Variants in OR4K14 observed in about 807,000 individuals in gnomAD.
OR4K14 encodes the protein olfactory receptor 4K14.
For synonymous variants in OR4K14, 153 were observed against 141.5 expected (o/e 1.08, Z -0.58); for missense variants, 406 against 373.6 (o/e 1.09, Z -0.72).
chr14:20,014,477 G>A lies in OR4K14; in HGVS notation c.717C>T (p.Ser239=), dbSNP rs1169830365. Reference sequence around the variant, plus strand: ...CTACCATGATATGTGCAGAGCAAGTGGAGAGTGCTTTGGATGTGCTACCGG... The same window carrying A: ...CTACCATGATATGTGCAGAGCAAGTAGAGAGTGCTTTGGATGTGCTACCGG... ...RAAGSTSKAL[S]TCSAHIMVVT... Residue 239 remains serine, a synonymous_variant, in exon 2 of 2, where the codon TCC becomes TCT. Coordinates refer to ENST00000641793, the MANE Select transcript of OR4K14 (RefSeq NM_001004712.2). 1 of 1,614,112 alleles carries A rather than the reference G, an allele frequency of 6.2e-7. No individual in the cohort carries two copies. Among genetic ancestry groups the A allele is most frequent in the East Asian group, 2.2e-5 (1 of 44,888 alleles).
At chr14:20,017,570 T>C (rs1372099246) in intron 1 of OR4K14, among the ~76,000 whole-genome samples, 3 of 151,956 alleles carry the variant, frequency 2.0e-5, no homozygotes, top group East Asian at 1.9e-4. Context: ...TCCGAGATGA[T>C]TTAGAATGAC....
chr14:20,016,606 A>G (rs1452936440), intron 1 of OR4K14, among the ~76,000 whole-genome samples: 2 of 152,154 alleles, frequency 1.3e-5, no homozygotes, highest in African/African-American at 4.8e-5. Context: ...ACAGCCTATA[A>G]TTGCAAAACG....
At chr14:20,015,919 A>T (rs1254864888) in intron 1 of OR4K14, among the ~76,000 whole-genome samples, 1 of 151,066 alleles carries the variant, frequency 6.6e-6, no homozygotes, top group Non-Finnish European at 1.5e-5. Context: ...CCTTCTTTCC[A>T]TGGCCTTTGT....
In OR4K14 at chr14:20,014,456, C is replaced by A; in HGVS notation, c.738G>T (p.Met246Ile). ...KALSTCSAHI[M>I]VVTLFFGPCI... ...AAGGGCCAAAGAACAGCGTCACTAC[C>A]ATGATATGTGCAGAGCAAGTGGAGA... Residue 246 changes from methionine to isoleucine, a missense_variant, in exon 2 of 2, where the codon ATG becomes ATT. Coordinates refer to ENST00000641793, the MANE Select transcript of OR4K14 (RefSeq NM_001004712.2). 2 of 1,614,072 alleles carry A rather than the reference C, an allele frequency of 1.2e-6. No individual in the cohort carries two copies. The highest frequency in any genetic ancestry group is 2.7e-5 in the African/African-American group (2 of 75,044).
intron 1 of OR4K14, among the ~76,000 whole-genome samples, chr14:20,016,102 C>T (rs1877092877): frequency 2.5e-5 from 1 of 40,640 alleles, no homozygotes; most frequent in Non-Finnish European, 7.3e-5. Context: ...TAAAGCTTCA[C>T]TTAAAAATAA....
rs79236312 is a variant in OR4K14 at position 20,017,922 on chromosome 14, G to C, written c.-30+1221C>G. Among the ~76,000 whole-genome samples, 392 of 151,848 alleles carry C rather than the reference G, an allele frequency of 2.6e-3. 3 individuals are homozygous for C. Among genetic ancestry groups the C allele is most frequent in the African/African-American group, 9.0e-3 (375 of 41,458 alleles). On this transcript the variant is annotated intron_variant, in intron 1 of 1. Coordinates refer to ENST00000641793, the MANE Select transcript of OR4K14 (RefSeq NM_001004712.2). ...ACAGGATGCATAGGTCCCATAATTA[G>C]TTTTTTTTATGAGCAATAAACTGGA... is the stretch of plus-strand genomic sequence containing the variant.
intron 1 of OR4K14, among the ~76,000 whole-genome samples, chr14:20,016,696 G>A (rs768498356): frequency 6.6e-6 from 1 of 152,004 alleles, no homozygotes; most frequent in Non-Finnish European, 1.5e-5. Context: ...GCACAAATCT[G>A]ACACGATTTA....
chr14:20,014,238 C>T lies in OR4K14; in HGVS notation c.*23G>A, dbSNP rs1186631522. The T allele has an allele frequency of 6.8e-7, 1 of 1,471,012 alleles. No individual in the cohort carries two copies. The highest frequency in any genetic ancestry group is 1.4e-5 in the African/African-American group (1 of 71,130). The allele number at this position is 1,471,012 out of a possible 1,614,324, so 91.1% of individuals were successfully genotyped here. On this transcript the variant is annotated 3_prime_UTR_variant, in exon 2 of 2. Coordinates refer to ENST00000641793, the MANE Select transcript of OR4K14 (RefSeq NM_001004712.2). ...ATATCTGCTGAATGAATAGAAACAT[C>T]TAACACTATGGAAGGCTGGATTTCA... is the stretch of plus-strand genomic sequence containing the variant.
At chr14:20,019,093 G>A (rs1877156919) in intron 1 of OR4K14, 50 bp downstream of exon 1, 1 of 151,890 alleles carries the variant, frequency 6.6e-6, no homozygotes, top group African/African-American at 2.4e-5. Context: ...GTCTGTATTT[G>A]ACTTATATCT....
chr14:20,014,676 T>C lies in OR4K14; in HGVS notation c.518A>G (p.Asn173Ser), dbSNP rs200226562. ...FTVNLPYCGP[N>S]EVDSFFCDLP... ...GTCACAGAAGAAGCTGTCTACCTCA[T>C]TGGGGCCACAGTAAGGCAAATTTAC... Residue 173 changes from asparagine (N) to serine (S), a missense_variant, in exon 2 of 2, where the codon AAT (asparagine) becomes AGT (serine). Physicochemically the swap from Asn to Ser is conservative, Grantham distance 46 (BLOSUM62 1). Coordinates refer to ENST00000641793, the MANE Select transcript of OR4K14 (RefSeq NM_001004712.2). The C allele has an allele frequency of 6.9e-5, 112 of 1,614,066 alleles. 1 individual carries two copies. The highest frequency in any genetic ancestry group is 2.2e-4 in the East Asian group (10 of 44,884).
intron 1 of OR4K14, among the ~76,000 whole-genome samples, chr14:20,017,373 T>C: frequency 6.6e-6 from 1 of 152,114 alleles, no homozygotes; most frequent in Admixed American, 6.5e-5. Flanking sequence ...TAAAAACCAA[T>C]CAATACAAGA....
chr14:20,016,654 C>T (rs1877106454), intron 1 of OR4K14, among the ~76,000 whole-genome samples: 1 of 151,964 alleles, frequency 6.6e-6, no homozygotes, highest in Non-Finnish European at 1.5e-5. Flanking sequence ...CATCAATAAC[C>T]TGGATATGTA....
At position 20,014,576 on chromosome 14, in the gene OR4K14, C is replaced by CCTT. The variant is rs769829960; in HGVS notation, c.617_618insAAG (p.Leu206_Leu207insArg). The CCTT allele has an allele frequency of 2.0e-5, 32 of 1,614,140 alleles. No individual in the cohort carries two copies. The South Asian group carries it at 3.5e-4, about 18-fold the overall frequency. ...GGAGCAGAAAACAGCTCAAGGAAAG[C>CCTT]AACCCACTGTCTGAGATCATAATTA... On this transcript the variant is annotated inframe_insertion, in exon 2 of 2. Transcript: ENST00000641793.
intron 1 of OR4K14, among the ~76,000 whole-genome samples, chr14:20,016,472 A>G (rs72667654): frequency 0.064 from 9,804 of 152,118 alleles, 393 homozygotes; most frequent in South Asian, 0.11. Context: ...ATTGTGTTAT[A>G]TGTGGGTTGT....
chr14:20,014,991 G>T lies in OR4K14; in HGVS notation c.203C>A (p.Ala68Asp). The stretch of plus-strand genomic sequence containing the variant: ...TGAGGCCAGCCACATGTCCAGGAAA[G>T]CTAGGTTCCCCAGCAGGAAGTACAT... ...SPMYFLLGNLAFLDMWLASFA... is the reference protein window; with the variant it reads ...SPMYFLLGNLDFLDMWLASFA... The change falls in exon 2 of 2, where the codon GCT becomes GAT. Residue 68 changes from alanine to aspartate, a missense_variant. Transcript: ENST00000641793. The T allele has an allele frequency of 2.5e-6, 4 of 1,614,036 alleles. No individual in the cohort carries two copies. The highest frequency in any genetic ancestry group is 3.4e-6 in the Non-Finnish European group (4 of 1,179,954).
At chr14:20,016,848 T>C (rs942271285) in intron 1 of OR4K14, among the ~76,000 whole-genome samples, 1 of 152,052 alleles carries the variant, frequency 6.6e-6, no homozygotes, top group African/African-American at 2.4e-5. Context: ...ATATTATTAA[T>C]ATATTTCTTC....
In OR4K14 at chr14:20,015,135, G is replaced by A. The variant is rs769141273; in HGVS notation, c.59C>T (p.Ser20Leu). ...AAAGAAAAAATTTTGAAGATGTCGT[G>A]AAGTGCAGAGTCCATGCAACACAAA... ...SEFVLHGLCT[S>L]RHLQNFFFIF... Residue 20 changes from serine to leucine, a missense_variant, in exon 2 of 2, where the codon TCA becomes TTA. By Grantham distance (145) the Ser-to-Leu change is moderately radical. Coordinates refer to ENST00000641793, the MANE Select transcript of OR4K14 (RefSeq NM_001004712.2). 37 of 1,613,734 alleles carry A rather than the reference G, an allele frequency of 2.3e-5. No homozygotes were observed. In the South Asian group the frequency reaches 4.1e-4, roughly 18 times the overall value.
Position 20,014,353 on chromosome 14 carries a change from G to C in OR4K14, c.841C>G (p.Pro281Ala). The change falls in exon 2 of 2, where the codon CCA becomes GCA. Residue 281 changes from proline to alanine, a missense_variant. By Grantham distance (27) the Pro-to-Ala change is conservative. Coordinates refer to ENST00000641793, the MANE Select transcript of OR4K14 (RefSeq NM_001004712.2). ...LLSVFYTIFT[P>A]LLNPIIYTLR... is the part of the protein sequence containing the mutation. The stretch of plus-strand genomic sequence containing the variant: ...GTGTAGATAATGGGGTTCAGGAGTG[G>C]AGTAAAAATGGTATAAAACACAGAC... The C allele has an allele frequency of 1.2e-6, 2 of 1,612,344 alleles. No individual in the cohort carries two copies. Among genetic ancestry groups the C allele is most frequent in the Non-Finnish European group, 1.7e-6 (2 of 1,179,166 alleles).
rs543907727 is a variant in OR4K14, at chr14:20,015,844, C to G, written c.-29-622G>C. 3.3e-5 allele frequency among the ~76,000 whole-genome samples: 5 copies of G among 151,914 alleles called. No individual in the cohort carries two copies. The East Asian group carries it at 9.8e-4, about 30-fold the overall frequency. On this transcript the variant is annotated intron_variant, in intron 1 of 1. Transcript: ENST00000641793. ...TGCCTTTTTCAAACTTCAGTGATTC[C>G]TGAGGGGCAGTTAGACATTCTGGAA...
Sources: allele counts gnomAD v4.1 joint callset (sites outside exome capture counted in the v4.1 genomes callset), GRCh38; gene constraint gnomAD v4.1.1; transcripts MANE v1.5; gene names NCBI Gene and HGNC (gene_info 2026-07-23, HGNC 2026-07-21).